Variants in HECTD4 observed in about 807,000 individuals in gnomAD.
HECTD4 encodes probable E3 ubiquitin-protein ligase HECTD4.
Under a neutral mutation model 471.5 loss-of-function variants are expected in HECTD4, and 114 were observed. The observed-to-expected ratio is 0.24, with a 90% CI of 0.21 to 0.28. The LOEUF (loss-of-function observed/expected upper bound fraction) is 0.28. HECTD4 is among the 10% of genes least tolerant of loss of function. The pLI is 1.00. For synonymous variants in HECTD4, 2,012 were observed against 2,256.0 expected (o/e 0.89, Z 3.07); for missense variants, 3,866 against 5,651.5 (o/e 0.68, Z 10.13).
intron 1 of HECTD4, among the ~76,000 whole-genome samples, chr12:112,376,391 C>G (rs1445287678): frequency 6.6e-6 from 1 of 151,996 alleles, no homozygotes; most frequent in African/African-American, 2.4e-5. Flanking sequence ...GGACTACAGG[C>G]GCCCGCCACC....
At chr12:112,178,155 C>T (rs2031525928) in intron 64 of HECTD4, among the ~76,000 whole-genome samples, 1 of 152,166 alleles carries the variant, frequency 6.6e-6, no homozygotes, top group Admixed American at 6.5e-5. Context: ...GCCTCGACCT[C>T]TGGGGCTCAA....
At chr12:112,269,131 C>G (rs999783575) in intron 13 of HECTD4, among the ~76,000 whole-genome samples, 1 of 151,930 alleles carries the variant, frequency 6.6e-6, no homozygotes, top group Admixed American at 6.6e-5. Context: ...TCTCGGCCTC[C>G]CAAAGTGCTG....
intron 1 of HECTD4, among the ~76,000 whole-genome samples, chr12:112,331,135 G>A (rs1255614849): frequency 6.6e-6 from 1 of 152,108 alleles, no homozygotes; most frequent in East Asian, 1.9e-4. Flanking sequence ...GCACTGGCAT[G>A]ATCTCGACTC....
intron 9 of HECTD4, among the ~76,000 whole-genome samples, chr12:112,277,027 A>T (rs1006159463): frequency 2.0e-5 from 3 of 152,216 alleles, no homozygotes; most frequent in Non-Finnish European, 4.4e-5. Context: ...ACAGTTTAGC[A>T]GTCCCTCCAA....
chr12:112,367,364 T>G (rs1471547459), intron 1 of HECTD4, among the ~76,000 whole-genome samples: 2 of 150,882 alleles, frequency 1.3e-5, no homozygotes, highest in Admixed American at 1.3e-4. Context: ...AACAAAAGGC[T>G]GAATTTCAGC....
Position 112,239,831 on chromosome 12 carries a change from A to T in HECTD4, c.5105+50T>A. 1 of 1,482,530 alleles carries T rather than the reference A, an allele frequency of 6.7e-7. No individual in the cohort carries two copies. The allele number at this position is 1,482,530 out of a possible 1,614,324, so 91.8% of individuals were successfully genotyped here. A position where few individuals can be genotyped will look rare whatever the true frequency, so the allele number is the denominator to read the frequency against. On this transcript the variant is annotated intron_variant, in intron 33 of 75. Transcript: ENST00000682272. This position sits in a 1 kb window ranked among gnomAD's most constrained non-coding sequence, Gnocchi z 4.9. ...AATTAAAAATACTTTCACTTAATCG[A>T]CTATACTGCAGGGTAACTTACATAC... is the stretch of plus-strand genomic sequence containing the variant.
At chr12:112,189,104 T>C (rs576050609) in intron 60 of HECTD4, among the ~76,000 whole-genome samples, 4 of 152,164 alleles carry the variant, frequency 2.6e-5, no homozygotes, top group African/African-American at 4.8e-5. Flanking sequence ...AGTGATCCTC[T>C]TGCCTCAGCC....
intron 21 of HECTD4, among the ~76,000 whole-genome samples, 174 bp downstream of exon 21, chr12:112,256,146 C>T (rs917759656): frequency 6.6e-6 from 1 of 152,214 alleles, no homozygotes; most frequent in Non-Finnish European, 1.5e-5. Context: ...GTTTCTTTAA[C>T]TCCCTCAATC....
In HECTD4 at chr12:112,167,422, G is replaced by A. The variant is rs2031013562; in HGVS notation, c.12429C>T (p.Leu4143=). The part of the protein sequence containing the change: ...IRADVPLPLD[L]LPSFWKTLVG... ...CCAGCGTCTTCCAGAAGGAGGGCAG[G>A]AGGTCCAGGGGCAGCGGGACGTCTG... Residue 4143 remains leucine (L), a synonymous_variant, in exon 72 of 76, where the codon CTC becomes CTT. Transcript: ENST00000682272. The A allele has an allele frequency of 6.2e-7, 1 of 1,613,876 alleles. No homozygotes were observed. The highest frequency in any genetic ancestry group is 8.5e-7 in the Non-Finnish European group (1 of 1,179,878).
chr12:112,190,837 C>T lies in HECTD4; in HGVS notation c.9421G>A (p.Glu3141Lys), dbSNP rs2032053781. The T allele has an allele frequency of 6.3e-7, 1 of 1,587,778 alleles. No homozygotes were observed. Among genetic ancestry groups the T allele is most frequent in the East Asian group, 2.3e-5 (1 of 43,414 alleles). The change falls in exon 60 of 76, where the codon GAG becomes AAG. Residue 3141 changes from glutamate to lysine, a missense_variant. Around this residue, in one of 16 missense-constraint regions of HECTD4, gnomAD observed 364 missense variants for 413.2 expected, o/e 0.88. Transcript: ENST00000682272. ...ACGGATGTCGGAATGGTGTCAGGCT[C>T]ATCTTCGGACTTCCCTTCACTGTCC... ...SEDSEGKSEDEPDTIPTSVLL... is the reference protein window; with the variant it reads ...SEDSEGKSEDKPDTIPTSVLL...
At position 112,184,865 on chromosome 12, in the gene HECTD4, G is replaced by A. The variant is rs762290153; in HGVS notation, c.10101C>T (p.Leu3367=). ...ALTLLIILRH[L]TRKDPQGLGV... is the part of the protein sequence containing the mutation. ...CCAGCCCCTGTGGGTCCTTCCTGGT[G>A]AGGTGGCGGAGGATGATGAGCAGGG... Residue 3367 remains leucine (L), a synonymous_variant, in exon 61 of 76, where the codon CTC becomes CTT. Transcript: ENST00000682272. The surrounding 1 kb of genome is among the most constrained non-coding windows in gnomAD (Gnocchi z 9.1). 4 of 1,607,904 alleles carry A rather than the reference G, an allele frequency of 2.5e-6. No homozygotes were observed. The highest frequency in any genetic ancestry group is 2.6e-6 in the Non-Finnish European group (3 of 1,175,570).
intron 45 of HECTD4, among the ~76,000 whole-genome samples, 163 bp downstream of exon 45, chr12:112,219,223 A>C (rs2033019063): frequency 6.6e-6 from 1 of 152,246 alleles, no homozygotes; most frequent in Non-Finnish European, 1.5e-5. Flanking sequence ...CTGACATTCA[A>C]AGATGAGAGC....
At chr12:112,197,169 C>T (rs1179814536) in intron 55 of HECTD4, among the ~76,000 whole-genome samples, 1 of 152,142 alleles carries the variant, frequency 6.6e-6, no homozygotes, top group African/African-American at 2.4e-5. Context: ...TCCTTGGCCT[C>T]CCAAAGTGCT....
At chr12:112,347,980 C>T (rs1010382298) in intron 1 of HECTD4, among the ~76,000 whole-genome samples, 3 of 152,158 alleles carry the variant, frequency 2.0e-5, no homozygotes, top group Non-Finnish European at 4.4e-5. Context: ...TATCTTTGCC[C>T]CAGTCTTGAG....
Position 112,175,658 on chromosome 12 carries a change from G to A in HECTD4, c.11594+78C>T, listed in dbSNP as rs1277797517. The A allele has an allele frequency of 6.0e-6, 9 of 1,498,898 alleles. No individual in the cohort carries two copies. The African/African-American group carries it at 1.2e-4, about 21-fold the overall frequency. 92.8% of individuals were successfully genotyped at this position (1,498,898 alleles called of 1,614,324 possible). A position where few individuals can be genotyped will look rare whatever the true frequency, so the allele number is the denominator to read the frequency against. ...CATTATCAACAGGGGAGACGGATCA[G>A]CTCCTCAGAAATTATGCTCTTGGCT... On this transcript the variant is annotated intron_variant, in intron 66 of 75. Transcript: ENST00000682272.
chr12:112,186,865 G>A (rs192030341), intron 60 of HECTD4, among the ~76,000 whole-genome samples: 1 of 151,336 alleles, frequency 6.6e-6, no homozygotes, highest in African/African-American at 2.4e-5. Context: ...ATGGGGTATC[G>A]TCATGTTGGC....
intron 28 of HECTD4, 28 bp from the exon 29 acceptor site, chr12:112,247,104 G>A (rs1310562403): frequency 1.3e-6 from 2 of 1,541,972 alleles, no homozygotes; most frequent in Non-Finnish European, 1.8e-6. Context: ...TGTGCATTGA[G>A]TTGTTCTCTA....
intron 1 of HECTD4, among the ~76,000 whole-genome samples, chr12:112,379,001 C>G (rs559179930): frequency 3.8e-4 from 58 of 151,908 alleles, no homozygotes; most frequent in African/African-American, 1.4e-3. Context: ...GAGATTGTGC[C>G]ACTGCACTCC....
At chr12:112,170,569 G>C (rs907841524) in intron 68 of HECTD4, 117 bp from the exon 69 acceptor site, 38 of 1,366,710 alleles carry the variant, frequency 2.8e-5, no homozygotes, top group Non-Finnish European at 3.7e-5. Flanking sequence ...GGTGGCAGTA[G>C]AGCCGGGCCC....
Sources: allele counts gnomAD v4.1 joint callset (sites outside exome capture counted in the v4.1 genomes callset), GRCh38; gene constraint gnomAD v4.1.1; regional missense constraint gnomAD v4.1.1; non-coding constraint Gnocchi (gnomAD v3.1); transcripts MANE v1.5; gene names NCBI Gene and HGNC (gene_info 2026-07-23, HGNC 2026-07-21).